Variants in NR4A1 observed in about 807,000 individuals in gnomAD.
The protein encoded by NR4A1 is nuclear receptor subfamily 4 group A member 1.
In NR4A1, 24 loss-of-function variants were observed where a neutral mutation model predicts 47.5. The ratio of observed to expected loss-of-function variants is 0.50; its 90% CI spans 0.37 to 0.71. NR4A1 has a LOEUF of 0.71. NR4A1 is among the 30% of genes least tolerant of loss of function. The pLI is 0.00. For missense variants in NR4A1, 669 were observed against 788.6 expected (o/e 0.85, Z 1.82); for synonymous variants, 353 against 345.7 (o/e 1.02, Z -0.24).
At chr12:52,056,422 G>A in intron 3 of NR4A1, 72 bp from the exon 4 acceptor site, 1 of 1,571,518 alleles carries the variant, frequency 6.4e-7, no homozygotes, top group Non-Finnish European at 8.6e-7. Context: ...CTCAGCAGTG[G>A]TGTGCACGGC....
Position 52,054,808 on chromosome 12 carries a change from C to A in NR4A1, c.480C>A (p.His160Gln). The stretch of plus-strand genomic sequence containing the variant: ...CTCCCTGGGATGGCTCCTTCGGCCA[C>A]TTCTCGCCCAGCCAGACTTACGAAG... ...QLSPWDGSFG[H>Q]FSPSQTYEGL... Residue 160 changes from histidine (H) to glutamine (Q), a missense_variant, in exon 2 of 7, where the codon CAC becomes CAA. His to Gln is a conservative substitution (Grantham distance 24). Transcript: ENST00000394825. 1 of 1,613,486 alleles carries A rather than the reference C, an allele frequency of 6.2e-7. No homozygotes were observed. Among genetic ancestry groups the A allele is most frequent in the Non-Finnish European group, 8.5e-7 (1 of 1,179,966 alleles).
intron 2 of NR4A1, 46 bp downstream of exon 2, chr12:52,055,250 G>A (rs768602012): frequency 3.7e-6 from 6 of 1,601,570 alleles, no homozygotes; most frequent in Non-Finnish European, 4.2e-6. Context: ...AATGGAGAGA[G>A]GCTGGCCTCA....
At chr12:52,038,158 G>A (rs1938310995) in intron 1 of NR4A1, 1 of 791,186 alleles carries the variant, frequency 1.3e-6, no homozygotes, top group Non-Finnish European at 1.5e-6. Flanking sequence ...TCCGTCTCCC[G>A]GGTTCAAGCG....
chr12:52,048,696 C>T (rs1184835118), upstream of NR4A1, among the ~76,000 whole-genome samples: 1 of 152,190 alleles, frequency 6.6e-6, no homozygotes, highest in Non-Finnish European at 1.5e-5. Context: ...GCCTGTGACA[C>T]AGCTGGGATC....
intron 1 of NR4A1, among the ~76,000 whole-genome samples, chr12:52,029,940 A>G (rs1009147613): frequency 6.6e-6 from 1 of 152,220 alleles, no homozygotes; most frequent in Admixed American, 6.5e-5. Context: ...GGGCTGCCCC[A>G]GTGGCCAGCC....
upstream of NR4A1, among the ~76,000 whole-genome samples, chr12:52,046,851 C>T (rs540336438): frequency 7.6e-4 from 116 of 152,120 alleles, no homozygotes; most frequent in African/African-American, 2.7e-3. Context: ...GGCGTGGTGG[C>T]GGGCGCTTGT....
Position 52,058,890 on chromosome 12 carries a change from G to A in NR4A1, c.1743G>A (p.Leu581=), listed in dbSNP as rs1939417595. ...TCTTCTACCTCAAGCTGGAGGACTTGGTGCCCCCTCCACCCATCATTGACA... is the reference window on the plus strand; with the variant it reads ...TCTTCTACCTCAAGCTGGAGGACTTAGTGCCCCCTCCACCCATCATTGACA... The part of the protein sequence containing the change: ...QRIFYLKLED[L]VPPPPIIDKI... The change falls in exon 7 of 7, where the codon TTG becomes TTA. Residue 581 remains leucine (L), a synonymous_variant. Coordinates refer to ENST00000394825, the MANE Select transcript of NR4A1 (RefSeq NM_173157.3). 1.2e-6 allele frequency: 2 copies of A among 1,613,928 alleles called. No homozygotes were observed. Among genetic ancestry groups the A allele is most frequent in the African/African-American group, 2.7e-5 (2 of 74,944 alleles).
chr12:52,057,325 C>G (rs374464684), intron 5 of NR4A1, 27 bp from the exon 6 acceptor site: 1 of 1,614,046 alleles, frequency 6.2e-7, no homozygotes, highest in Non-Finnish European at 8.5e-7. Context: ...CCACCCTGAT[C>G]GCTCTTCGTG....
chr12:52,045,690 G>A (rs1486846435), intron 2 of NR4A1: 1 of 319,556 alleles, frequency 3.1e-6, no homozygotes, highest in East Asian at 1.1e-4. Context: ...GCCTCTGATA[G>A]CTCTTCCATA....
chr12:52,059,073 C>A lies in NR4A1; in HGVS notation c.*129C>A. On this transcript the variant is annotated 3_prime_UTR_variant, in exon 7 of 7. Coordinates refer to ENST00000394825, the MANE Select transcript of NR4A1 (RefSeq NM_173157.3). ...CAGAATGACTCCACCTTCTCACCTG[C>A]TCCAGGAGGTTTGCAGGGAGCTCAA... 1 of 1,228,516 alleles carries A rather than the reference C, an allele frequency of 8.1e-7. No homozygotes were observed. The highest frequency in any genetic ancestry group is 1.1e-6 in the Non-Finnish European group (1 of 903,654). The allele number at this position is 1,228,516 out of a possible 1,614,324, so 76.1% of individuals were successfully genotyped here. A position where few individuals can be genotyped will look rare whatever the true frequency, so the allele number is the denominator to read the frequency against.
Position 52,054,988 on chromosome 12 carries a change from G to T in NR4A1, c.660G>T (p.Glu220Asp), listed in dbSNP as rs749848012. Reference sequence around the variant, plus strand: ...CACAGGCCACCCACCAGCTGGGGGAGGGAGAGAGCTATTCCATGCCTACGG... The same window carrying T: ...CACAGGCCACCCACCAGCTGGGGGATGGAGAGAGCTATTCCATGCCTACGG... ...FPSQATHQLG[E>D]GESYSMPTAF... Residue 220 changes from glutamate (E) to aspartate (D), a missense_variant, in exon 2 of 7, where the codon GAG becomes GAT. Glu to Asp is a conservative substitution (Grantham distance 45, BLOSUM62 2). Coordinates refer to ENST00000394825, the MANE Select transcript of NR4A1 (RefSeq NM_173157.3). 6.2e-7 allele frequency: 1 copy of T among 1,614,216 alleles called. No individual in the cohort carries two copies. Among genetic ancestry groups the T allele is most frequent in the Non-Finnish European group, 8.5e-7 (1 of 1,180,036 alleles).
At position 52,051,540 on chromosome 12, in the gene NR4A1, T is replaced by TCCGGGCAGGGGCAGCGGGAGCCGG. The variant is rs1938943717; in HGVS notation, c.-25_-3+1dup. ...ACCAGGCTGAGACTCGGGGCGCCAG[T>TCCGGGCAGGGGCAGCGGGAGCCGG]CCGGGCAGGGGCAGCGGGAGCCGGC... On this transcript the variant is annotated 5_prime_UTR_variant, in exon 1 of 7. Coordinates refer to ENST00000394825, the MANE Select transcript of NR4A1 (RefSeq NM_173157.3). 1.0e-6 allele frequency: 1 copy of TCCGGGCAGGGGCAGCGGGAGCCGG among 985,902 alleles called. No homozygotes were observed. The highest frequency in any genetic ancestry group is 1.7e-5 in the African/African-American group (1 of 57,346). The allele number at this position is 985,902 out of a possible 1,614,324, so 61.1% of individuals were successfully genotyped here. A position where few individuals can be genotyped will look rare whatever the true frequency, so the allele number is the denominator to read the frequency against.
Position 52,038,583 on chromosome 12 carries a change from C to A in NR4A1, c.-83-3227C>A, listed in dbSNP as rs557576347. On this transcript the variant is annotated intron_variant, in intron 1 of 7. Coordinates refer to the NR4A1 transcript ENST00000360284. Reference sequence around the variant, plus strand: ...GGGCTGTCGTCGGCCTGGCTTGGGGCCCTAGTGGTGGGGCTACAAGGCTTG... The same window carrying A: ...GGGCTGTCGTCGGCCTGGCTTGGGGACCTAGTGGTGGGGCTACAAGGCTTG... 8.8e-5 allele frequency: 57 copies of A among 645,606 alleles called. No homozygotes were observed. In the East Asian group the frequency reaches 1.6e-3, roughly 18 times the overall value. The allele number at this position is 645,606 out of a possible 1,614,324, so 40.0% of individuals were successfully genotyped here.
intron 1 of NR4A1, chr12:52,038,707 G>A (rs1216999410): frequency 2.6e-6 from 2 of 764,484 alleles, no homozygotes; most frequent in South Asian, 1.3e-5. Flanking sequence ...AGAGCTGTGA[G>A]GAATGACAAG....
intron 1 of NR4A1, among the ~76,000 whole-genome samples, chr12:52,028,116 C>T (rs1271360122): frequency 7.3e-6 from 1 of 136,698 alleles, no homozygotes. Flanking sequence ...ATGGGAGGAT[C>T]GCTTGAGCCC....
chr12:52,039,700 A>G (rs1483644084), intron 1 of NR4A1, among the ~76,000 whole-genome samples: 2 of 152,242 alleles, frequency 1.3e-5, no homozygotes, highest in Non-Finnish European at 2.9e-5. Context: ...AGTGATTGAG[A>G]TGGACAGCGT....
intron 1 of NR4A1, chr12:52,038,833 A>AT: frequency 1.4e-6 from 1 of 725,252 alleles, no homozygotes; most frequent in Non-Finnish European, 2.5e-6. Context: ...TGGACTTAAG[A>AT]AAGTCAGCTG....
At position 52,055,213 on chromosome 12, in the gene NR4A1, C is replaced by A. The variant is rs1466304668; in HGVS notation, c.876+9C>A. The A allele has an allele frequency of 1.2e-6, 2 of 1,610,546 alleles. No homozygotes were observed. Among genetic ancestry groups the A allele is most frequent in the South Asian group, 2.2e-5 (2 of 91,076 alleles). ...GCAAGGGCTTCTTCAAGGTACCGCG[C>A]AGCCCCAGGTGGGGCCTTTTGTTGG... On this transcript the variant is annotated intron_variant, in intron 2 of 6. Transcript: ENST00000394825.
Position 52,058,828 on chromosome 12 carries a change from G to C in NR4A1, c.1681G>C (p.Glu561Gln). 1 of 1,613,796 alleles carries C rather than the reference G, an allele frequency of 6.2e-7. No homozygotes were observed. Residue 561 changes from glutamate (E) to glutamine (Q), a missense_variant, in exon 7 of 7, where the codon GAG becomes CAG. Glu to Gln is a conservative substitution (Grantham distance 29). Transcript: ENST00000394825. ...GTCACGTCTGTTGGGCAAACTGCCCGAGCTGCGGACCCTGTGCACCCAGGG... is the reference window on the plus strand; with the variant it reads ...GTCACGTCTGTTGGGCAAACTGCCCCAGCTGCGGACCCTGTGCACCCAGGG... ...CLSRLLGKLP[E>Q]LRTLCTQGLQ...
Sources: gnomAD v4.1 joint callset for allele counts (sites outside exome capture counted in the v4.1 genomes callset) on GRCh38, gnomAD v4.1.1 for gene constraint, MANE v1.5 for transcripts, NCBI Gene and HGNC (gene_info 2026-07-23, HGNC 2026-07-21) for gene names.